VPS13C: variants seen among roughly 807,000 people sequenced by gnomAD.
VPS13C encodes vacuolar protein sorting 13 homolog C, also known as intermembrane lipid transfer protein VPS13C.
Under a neutral mutation model 456.8 loss-of-function variants are expected in VPS13C, and 358 were observed. That is an observed-to-expected ratio of 0.78 (90% CI 0.72 to 0.86). The LOEUF (loss-of-function observed/expected upper bound fraction) is 0.86. Ranked by LOEUF, VPS13C falls within the 40% of genes least tolerant of loss-of-function variation. VPS13C has a pLI of 0.00. For synonymous variants in VPS13C, 1,578 were observed against 1,486.7 expected, an observed-to-expected ratio of 1.06 and a Z score of -1.41; for missense variants, 4,818 against 4,385.4, an observed-to-expected ratio of 1.10 and a Z score of -2.79.
At position 61,858,979 on chromosome 15, in the gene VPS13C, T is replaced by C. The variant is rs907586123; in HGVS notation, c.10953-2570A>G. Among the ~76,000 whole-genome samples, 5 of 152,204 alleles carry C rather than the reference T, an allele frequency of 3.3e-5. No homozygotes were observed. Among genetic ancestry groups the C allele is most frequent in the Non-Finnish European group, 5.9e-5 (4 of 68,032 alleles). On this transcript the variant is annotated intron_variant, in intron 82 of 84. Transcript: ENST00000644861. This position sits in a 1 kb window ranked among gnomAD's most constrained non-coding sequence, Gnocchi z 4.4. ...TCTTTTAAAACTACAAGCCTCATCA[T>C]ATTACTTGTTTACAAACCTTCTGTG...
chr15:61,927,299 A>C lies in VPS13C; in HGVS notation c.6308T>G (p.Met2103Arg), dbSNP rs758376765. Residue 2103 changes from methionine (M) to arginine (R), a missense_variant, in exon 52 of 85, where the codon ATG becomes AGG. By Grantham distance (91) the Met-to-Arg change is moderately conservative. This residue lies in a region of VPS13C where 4,552 missense variants were observed against 4,130.6 expected (regional missense o/e 1.10). Coordinates refer to ENST00000644861, the MANE Select transcript of VPS13C (RefSeq NM_020821.3). ...ATCTGTGATCATGGCCTTTAAAGTCATATTTGGTCTAACAGAGTCATCTGA... is the reference window on the plus strand; with the variant it reads ...ATCTGTGATCATGGCCTTTAAAGTCCTATTTGGTCTAACAGAGTCATCTGA... Reference protein sequence around the residue: ...IEKDDSVRPNMTLKAMITDPE... With the variant: ...IEKDDSVRPNRTLKAMITDPE... 5.0e-6 allele frequency: 8 copies of C among 1,614,144 alleles called. No individual in the cohort carries two copies. Among genetic ancestry groups the C allele is most frequent in the Non-Finnish European group, 6.8e-6 (8 of 1,179,988 alleles).
intron 54 of VPS13C, 118 bp downstream of exon 54, chr15:61,922,279 C>T: frequency 7.8e-7 from 1 of 1,287,774 alleles, no homozygotes; most frequent in Non-Finnish European, 1.1e-6. Context: ...TGTCAGAACA[C>T]ACTATCTATT....
chr15:62,007,535 G>A (rs575799405), intron 14 of VPS13C, 56 bp from the exon 15 acceptor site: 1 of 1,404,914 alleles, frequency 7.1e-7, no homozygotes, highest in East Asian at 2.5e-5. Context: ...AGAGAAAACA[G>A]GAAAAGTCTT....
At chr15:61,911,352 G>T (rs748559926) in intron 63 of VPS13C, among the ~76,000 whole-genome samples, 2 of 152,158 alleles carry the variant, frequency 1.3e-5, no homozygotes, top group African/African-American at 2.4e-5. Flanking sequence ...TCTTGGAAAA[G>T]TCTGAAACTC....
intron 29 of VPS13C, 32 bp downstream of exon 29, chr15:61,967,336 C>G: frequency 6.4e-7 from 1 of 1,554,268 alleles, no homozygotes; most frequent in Non-Finnish European, 8.8e-7. Context: ...TTGGAGTAAA[C>G]AATAAATATA....
chr15:62,021,555 G>A (rs1214307745), intron 8 of VPS13C, among the ~76,000 whole-genome samples: 1 of 151,830 alleles, frequency 6.6e-6, no homozygotes, highest in East Asian at 1.9e-4. Context: ...AAGTCTTATA[G>A]AATTGTTTGG....
At chr15:61,862,642 A>G (rs1363269596) in intron 82 of VPS13C, among the ~76,000 whole-genome samples, 3 of 152,192 alleles carry the variant, frequency 2.0e-5, no homozygotes, top group Admixed American at 2.0e-4. Flanking sequence ...TCTGCTTTTT[A>G]GATTGTTTTG....
intron 9 of VPS13C, among the ~76,000 whole-genome samples, chr15:62,019,144 C>T (rs1467447312): frequency 2.0e-5 from 3 of 151,844 alleles, no homozygotes; most frequent in African/African-American, 4.8e-5. Context: ...ATCCCCTTTA[C>T]TATTTTTTAT....
Position 61,908,784 on chromosome 15 carries a change from A to G in VPS13C, c.8978+208T>C, listed in dbSNP as rs901308114. Among the ~76,000 whole-genome samples, 5 of 152,232 alleles carry G rather than the reference A, an allele frequency of 3.3e-5. 2 individuals are homozygous for G. The South Asian group carries it at 1.0e-3, about 32-fold the overall frequency. ...TAATAATTTCTATTTATCCCATTTGATGTGAATATTCATCAGTTTTGCTGC... is the reference window on the plus strand; with the variant it reads ...TAATAATTTCTATTTATCCCATTTGGTGTGAATATTCATCAGTTTTGCTGC... On this transcript the variant is annotated intron_variant, in intron 65 of 84. Transcript: ENST00000644861.
chr15:61,958,529 C>CT (rs1345748343), intron 37 of VPS13C, 79 bp downstream of exon 37: 1 of 805,550 alleles, frequency 1.2e-6, no homozygotes, highest in African/African-American at 1.8e-5. Flanking sequence ...TATTTGTTTA[C>CT]TTTTTATTTG....
chr15:61,965,724 A>G (rs2045356587), intron 30 of VPS13C, among the ~76,000 whole-genome samples: 1 of 151,846 alleles, frequency 6.6e-6, no homozygotes, highest in African/African-American at 2.4e-5. Context: ...AAAGTGCTCA[A>G]CATGTCTCCT....
chr15:61,925,647 T>A, intron 52 of VPS13C, 99 bp from the exon 53 acceptor site: 1 of 800,394 alleles, frequency 1.2e-6, no homozygotes, highest in Admixed American at 3.9e-5. Context: ...GATCTTTAAC[T>A]ACAGCCTGCT....
chr15:62,043,375 G>A (rs2048301838), intron 2 of VPS13C, among the ~76,000 whole-genome samples: 1 of 152,220 alleles, frequency 6.6e-6, no homozygotes, highest in African/African-American at 2.4e-5. Context: ...GGAGGCCAAG[G>A]CAGGCAGACC....
At chr15:62,053,173 T>C (rs1015429028) in intron 1 of VPS13C, among the ~76,000 whole-genome samples, 3 of 152,188 alleles carry the variant, frequency 2.0e-5, no homozygotes, top group African/African-American at 7.2e-5. Context: ...TTATATGCCA[T>C]AGGACAAGCT....
rs576280156 is a variant in VPS13C, at chr15:61,896,368, C to G, written c.9106-5968G>C. ...GTTCATCTCACTAGGGAGTGCCAGA[C>G]AGTGGGCACAGGTCAGTGGGTGCAC... On this transcript the variant is annotated intron_variant, in intron 66 of 84. Transcript: ENST00000644861. Among the ~76,000 whole-genome samples, 6 of 152,272 alleles carry G rather than the reference C, an allele frequency of 3.9e-5. No homozygotes were observed. In the South Asian group the frequency reaches 6.2e-4, roughly 16 times the overall value.
chr15:61,917,993 A>G, intron 59 of VPS13C, 143 bp downstream of exon 59: 1 of 776,236 alleles, frequency 1.3e-6, no homozygotes, highest in East Asian at 3.0e-5. Context: ...GATAATATAA[A>G]TGTATTTCTC....
At chr15:61,950,540 G>A (rs1372899039) in intron 40 of VPS13C, 123 bp from the exon 41 acceptor site, 15 of 702,636 alleles carry the variant, frequency 2.1e-5, no homozygotes, top group Middle Eastern at 3.8e-4. Flanking sequence ...TTTCCTAAAG[G>A]CAAAGAAAGC....
At position 61,966,182 on chromosome 15, in the gene VPS13C, T is replaced by C. The variant is rs140804831; in HGVS notation, c.2992-40A>G. Reference sequence around the variant, plus strand: ...AAAAGTTCTAAAGAAGGTACTAGGATCGAAGTAAATAAATCACTTATTTAT... The same window carrying C: ...AAAAGTTCTAAAGAAGGTACTAGGACCGAAGTAAATAAATCACTTATTTAT... On this transcript the variant is annotated intron_variant, in intron 29 of 84. Coordinates refer to ENST00000644861, the MANE Select transcript of VPS13C (RefSeq NM_020821.3). 13 of 1,435,446 alleles carry C rather than the reference T, an allele frequency of 9.1e-6. No homozygotes were observed. The East Asian group carries it at 3.0e-4, about 33-fold the overall frequency. The allele number at this position is 1,435,446 out of a possible 1,614,324, so 88.9% of individuals were successfully genotyped here.
chr15:61,982,586 T>C lies in VPS13C; in HGVS notation c.1915-13A>G, dbSNP rs1350368723. ...CATTGACAGTTTTCTATAAGAAAAT[T>C]TTTTTAACATAACCAAGTTACACAT... On this transcript the variant is annotated splice_polypyrimidine_tract_variant and intron_variant, in intron 20 of 84. Transcript: ENST00000644861. 1 of 1,581,432 alleles carries C rather than the reference T, an allele frequency of 6.3e-7. No individual in the cohort carries two copies. The highest frequency in any genetic ancestry group is 8.6e-7 in the Non-Finnish European group (1 of 1,165,402).
Sources: gnomAD v4.1 joint callset for allele counts (sites outside exome capture counted in the v4.1 genomes callset) on GRCh38, gnomAD v4.1.1 for gene constraint, gnomAD v4.1.1 regional missense constraint, Gnocchi (gnomAD v3.1) non-coding constraint, MANE v1.5 for transcripts, NCBI Gene and HGNC (gene_info 2026-07-23, HGNC 2026-07-21) for gene names.